SVEP1: variants seen among roughly 807,000 people sequenced by gnomAD.
SVEP1 encodes the protein sushi, von Willebrand factor type A, EGF and pentraxin domain-containing protein 1.
A neutral mutation model predicts 367.3 loss-of-function variants in SVEP1; 164 were observed. The ratio of observed to expected loss-of-function variants is 0.45; its 90% CI spans 0.39 to 0.51. The LOEUF (loss-of-function observed/expected upper bound fraction) is 0.51, where lower values mean the gene tolerates loss of function less well. Among genes scored for constraint, SVEP1 ranks in the 20% least tolerant of loss-of-function variants. SVEP1 has a pLI of 0.00. For synonymous variants in SVEP1, 1,666 were observed against 1,611.6 expected, an observed-to-expected ratio of 1.03 and a Z score of -0.81; for missense variants, 4,117 against 4,425.3, an observed-to-expected ratio of 0.93 and a Z score of 1.98.
intron 1 of SVEP1, among the ~76,000 whole-genome samples, chr9:110,565,210 C>G (rs1378837590): frequency 1.3e-5 from 2 of 152,302 alleles, no homozygotes; most frequent in South Asian, 2.1e-4. Context: ...CAGGGGAACG[C>G]TGAGTAACTC....
intron 6 of SVEP1, among the ~76,000 whole-genome samples, chr9:110,501,757 A>G (rs1184728612): frequency 6.6e-6 from 1 of 152,198 alleles, no homozygotes; most frequent in Non-Finnish European, 1.5e-5. Context: ...TGTGTTTTAA[A>G]TGATAATGAA....
chr9:110,429,588 CAG>C (rs1448627039), intron 34 of SVEP1, among the ~76,000 whole-genome samples: 1 of 151,918 alleles, frequency 6.6e-6, no homozygotes, highest in African/African-American at 2.4e-5. Context: ...TAACTACAAA[CAG>C]GGAATCCTTG....
At chr9:110,378,714 G>A (rs146609645) in intron 44 of SVEP1, among the ~76,000 whole-genome samples, 192 of 141,580 alleles carry the variant, frequency 1.4e-3, no homozygotes, top group African/African-American at 4.3e-3. Flanking sequence ...TGAACGATGA[G>A]AACACATGGA....
chr9:110,366,601 A>C, intron 47 of SVEP1, 41 bp from the exon 48 acceptor site: 1 of 1,515,644 alleles, frequency 6.6e-7, no homozygotes, highest in Non-Finnish European at 8.8e-7. Flanking sequence ...ATTCAAAAGA[A>C]AAAATTGAAC....
intron 29 of SVEP1, 48 bp from the exon 30 acceptor site, chr9:110,434,554 A>T (rs748227887): frequency 3.2e-6 from 5 of 1,566,310 alleles, no homozygotes; most frequent in East Asian, 2.3e-5. Flanking sequence ...GCATAGTGGT[A>T]GCATCACCAA....
At position 110,481,294 on chromosome 9, in the gene SVEP1, A is replaced by G. The variant is rs1176281726; in HGVS notation, c.2313T>C (p.Tyr771=). ...ATGTTGGTTTCCAGACGCCATCTTC[A>G]TAAGCACAATAATACTTGTCAGTAG... ...EGSTDKYYCA[Y]EDGVWKPTYT... Residue 771 remains tyrosine, a synonymous_variant, in exon 12 of 48, where the codon TAT becomes TAC. Coordinates refer to ENST00000374469, the MANE Select transcript of SVEP1 (RefSeq NM_153366.4). 6.2e-7 allele frequency: 1 copy of G among 1,608,022 alleles called. No individual in the cohort carries two copies. Among genetic ancestry groups the G allele is most frequent in the Middle Eastern group, 1.7e-4 (1 of 6,040 alleles).
intron 3 of SVEP1, among the ~76,000 whole-genome samples, chr9:110,541,816 GATATCTATAT>G (rs1461145370): frequency 6.9e-5 from 9 of 131,196 alleles, no homozygotes; most frequent in Non-Finnish European, 1.5e-4. Flanking sequence ...TATATACATA[GATATCTATAT>G]ATATCTATAT....
chr9:110,524,225 T>C (rs918622132), intron 3 of SVEP1, among the ~76,000 whole-genome samples: 19 of 152,048 alleles, frequency 1.2e-4, no homozygotes, highest in Admixed American at 7.9e-4. Context: ...ATTTGCCAAA[T>C]ATCTACCAAA....
At chr9:110,398,125 T>C (rs988126133) in intron 40 of SVEP1, among the ~76,000 whole-genome samples, 1 of 151,944 alleles carries the variant, frequency 6.6e-6, no homozygotes, top group African/African-American at 2.4e-5. Flanking sequence ...AACAGCATGG[T>C]ACTGATACCA....
chr9:110,495,404 G>A (rs1263621498), intron 8 of SVEP1, among the ~76,000 whole-genome samples: 1 of 152,100 alleles, frequency 6.6e-6, no homozygotes, highest in Admixed American at 6.6e-5. Context: ...CCTTATAAGG[G>A]GAAGGCAGGA....
intron 1 of SVEP1, among the ~76,000 whole-genome samples, chr9:110,559,433 A>T (rs1830396364): frequency 6.6e-6 from 1 of 152,132 alleles, no homozygotes; most frequent in African/African-American, 2.4e-5. Flanking sequence ...AACAAAGACC[A>T]AAAAAAGAAA....
At chr9:110,430,048 T>C (rs976343573) in intron 33 of SVEP1, 44 bp from the exon 34 acceptor site, 2 of 1,578,736 alleles carry the variant, frequency 1.3e-6, no homozygotes, top group Non-Finnish European at 1.7e-6. Flanking sequence ...TGAGACTGTG[T>C]GCAAAAATCT....
intron 25 of SVEP1, 25 bp from the exon 26 acceptor site, chr9:110,446,063 A>G (rs766004625): frequency 6.3e-6 from 10 of 1,576,068 alleles, no homozygotes; most frequent in Non-Finnish European, 8.6e-6. Context: ...AAAAGTGTGC[A>G]GACTGTGGCA....
In SVEP1 at chr9:110,407,292, A is replaced by G. The variant is rs1281761772; in HGVS notation, c.8308T>C (p.Cys2770Arg). 6.2e-7 allele frequency: 1 copy of G among 1,613,986 alleles called. No individual in the cohort carries two copies. ...NRKWSGASPR[C>R]EAISCKKPNP... ...GGCTTTTTGCATGAAATGGCTTCAC[A>G]GCGTGGGGAGGCACCACTCCACTTT... Residue 2770 changes from cysteine to arginine, a missense_variant, in exon 38 of 48, where the codon TGT (cysteine) becomes CGT (arginine). Cys to Arg is a radical substitution (Grantham distance 180, BLOSUM62 -3). Transcript: ENST00000374469.
intron 3 of SVEP1, among the ~76,000 whole-genome samples, chr9:110,517,751 TAA>T (rs5899902): frequency 0.16 from 8,104 of 49,792 alleles, 251 homozygotes; most frequent in African/African-American, 0.23. Flanking sequence ...ACCTGGCTCT[TAA>T]AAAAAAAAAA....
rs375954172 is a variant in SVEP1, at chr9:110,411,263, G to C, written c.6448C>G (p.Pro2150Ala). The C allele has an allele frequency of 2.6e-4, 422 of 1,613,900 alleles. 1 individual carries two copies. The highest frequency in any genetic ancestry group is 3.3e-4 in the Non-Finnish European group (392 of 1,179,906). ...CTTGCATAGCCATTCATGATGCTTG[G>C]TGGCTCTCCACACCGCACAGGGATG... ...QCIPVRCGEP[P>A]SIMNGYASGS... is the part of the protein sequence containing the mutation. Residue 2150 changes from proline (P) to alanine (A), a missense_variant, in exon 37 of 48, where the codon CCA becomes GCA. By Grantham distance (27) the Pro-to-Ala change is conservative. Coordinates refer to ENST00000374469, the MANE Select transcript of SVEP1 (RefSeq NM_153366.4).
chr9:110,380,063 T>C (rs950336329), intron 43 of SVEP1, among the ~76,000 whole-genome samples: 8 of 152,240 alleles, frequency 5.3e-5, no homozygotes, highest in Non-Finnish European at 1.2e-4. Flanking sequence ...GTTTATGAAA[T>C]TCAAGGTTTC....
chr9:110,545,609 C>T (rs879760406), intron 3 of SVEP1, among the ~76,000 whole-genome samples: 4 of 152,094 alleles, frequency 2.6e-5, no homozygotes, highest in Admixed American at 6.6e-5. Context: ...ACAAGAATTC[C>T]ACTGGCTTCA....
At chr9:110,542,985 T>C (rs1420781796) in intron 3 of SVEP1, among the ~76,000 whole-genome samples, 1 of 147,672 alleles carries the variant, frequency 6.8e-6, no homozygotes, top group Non-Finnish European at 1.5e-5. Context: ...TATATATATA[T>C]ATATATAAAA....
Sources: gnomAD v4.1 joint callset for allele counts (sites outside exome capture counted in the v4.1 genomes callset) on GRCh38, gnomAD v4.1.1 for gene constraint, MANE v1.5 for transcripts, NCBI Gene and HGNC (gene_info 2026-07-23, HGNC 2026-07-21) for gene names.